AMD1: variants seen among roughly 807,000 people sequenced by gnomAD.
AMD1 encodes the protein S-adenosylmethionine decarboxylase proenzyme.
In AMD1, 11 loss-of-function variants were observed where a neutral mutation model predicts 40.2. The observed-to-expected ratio is 0.27, with a 90% CI of 0.17 to 0.45. The LOEUF is 0.45. AMD1 is among the 20% of genes least tolerant of loss of function. The probability of loss-of-function intolerance (pLI) is 1.00; values close to 1 mark genes in which losing one functional copy is unlikely to be tolerated. For missense variants in AMD1, 257 were observed against 410.2 expected (o/e 0.63, Z 3.23); for synonymous variants, 121 against 130.8 (o/e 0.93, Z 0.51).
At chr6:110,847,181 T>C in the AMD1 span, among the ~76,000 whole-genome samples, 2 of 152,016 alleles carry the variant, frequency 1.3e-5, no homozygotes, top group African/African-American at 4.8e-5. Flanking sequence ...GGCAGGCTCT[T>C]AGGCTGGAAA....
At position 110,887,486 on chromosome 6, in the gene AMD1, CT is replaced by C; in HGVS notation, c.111-13del. On this transcript the variant is annotated intron_variant, in intron 1 of 8. Coordinates refer to ENST00000368885, the MANE Select transcript of AMD1 (RefSeq NM_001634.6). ...GGGTACTATTGTGGATTAATCGTAA[CT>C]TTTTTGTTAAATGATAGATCTGAGT... 6.3e-7 allele frequency: 1 copy of C among 1,580,344 alleles called. No homozygotes were observed. Among genetic ancestry groups the C allele is most frequent in the Non-Finnish European group, 8.6e-7 (1 of 1,163,258 alleles).
intron 1 of AMD1, among the ~76,000 whole-genome samples, chr6:110,876,825 G>GA (rs1197988607): frequency 6.6e-6 from 1 of 152,176 alleles, no homozygotes; most frequent in Admixed American, 6.5e-5. Context: ...CAAGAACCTA[G>GA]AAAATCTTGG....
the AMD1 span, among the ~76,000 whole-genome samples, chr6:110,821,075 A>G: frequency 6.6e-6 from 1 of 152,118 alleles, no homozygotes; most frequent in Non-Finnish European, 1.5e-5. Flanking sequence ...TTCCAGGGAG[A>G]GAATTAAAAG....
At position 110,894,471 on chromosome 6, in the gene AMD1, T is replaced by C. The variant is rs1786199093; in HGVS notation, c.*855T>C. On this transcript the variant is annotated 3_prime_UTR_variant, in exon 9 of 9. Transcript: ENST00000368885. ...GTTGGTTAGCAGGGAAGACCCAGAG[T>C]TGTAGATTGAGATTAGGGTGTACTG... The C allele has an allele frequency of 6.6e-6, 1 of 152,174 alleles. No homozygotes were observed. Among genetic ancestry groups the C allele is most frequent in the Non-Finnish European group, 1.5e-5 (1 of 68,014 alleles). The allele number at this position is 152,174 out of a possible 1,614,324, so 9.4% of individuals were successfully genotyped here. A position where few individuals can be genotyped will look rare whatever the true frequency, so the allele number is the denominator to read the frequency against.
At chr6:110,848,652 G>T in the AMD1 span, 1 of 522,142 alleles carries the variant, frequency 1.9e-6, no homozygotes, top group Non-Finnish European at 3.2e-6. Flanking sequence ...TATGAGTTTT[G>T]ATACATATCA....
the AMD1 span, among the ~76,000 whole-genome samples, chr6:110,855,670 T>C: frequency 6.9e-3 from 1,046 of 152,230 alleles, 52 homozygotes; most frequent in East Asian, 0.14. Flanking sequence ...ATCCGTAGGA[T>C]CTGGAGGCTG....
the AMD1 span, among the ~76,000 whole-genome samples, chr6:110,868,046 AACTCCTGGCCT>A: frequency 4.8e-4 from 73 of 152,172 alleles, 1 homozygote; most frequent in East Asian, 0.012. Flanking sequence ...GCTGGTCTGG[AACTCCTGGCCT>A]CAAGTCACCC....
the AMD1 span, among the ~76,000 whole-genome samples, chr6:110,825,995 C>T: frequency 0.16 from 23,892 of 151,200 alleles, 2,085 homozygotes; most frequent in East Asian, 0.31. Flanking sequence ...AGTAAGACCC[C>T]GTCTCTACAA....
At chr6:110,847,042 A>AGTGT in the AMD1 span, among the ~76,000 whole-genome samples, 42 of 146,388 alleles carry the variant, frequency 2.9e-4, no homozygotes, top group East Asian at 2.5e-3. Flanking sequence ...GAACTAGGAG[A>AGTGT]GTGTGTGTGT....
At chr6:110,821,958 A>G in the AMD1 span, among the ~76,000 whole-genome samples, 1 of 152,240 alleles carries the variant, frequency 6.6e-6, no homozygotes, top group Non-Finnish European at 1.5e-5. Flanking sequence ...AAGAGCAGAA[A>G]TAACAAAGAT....
intron 8 of AMD1, 110 bp downstream of exon 8, chr6:110,893,175 C>T (rs1419247904): frequency 9.8e-7 from 1 of 1,018,450 alleles, no homozygotes; most frequent in Non-Finnish European, 1.4e-6. Context: ...ACCAGCCACT[C>T]AGATATCCAG....
the AMD1 span, among the ~76,000 whole-genome samples, chr6:110,842,907 G>A: frequency 6.6e-6 from 1 of 152,022 alleles, no homozygotes; most frequent in Non-Finnish European, 1.5e-5. Flanking sequence ...GGCCGAGGGG[G>A]ATGGATCACA....
chr6:110,828,276 C>A, the AMD1 span, among the ~76,000 whole-genome samples: 1 of 151,968 alleles, frequency 6.6e-6, no homozygotes, highest in Non-Finnish European at 1.5e-5. Flanking sequence ...GCTAAAAATA[C>A]AAAAATTAGC....
the AMD1 span, among the ~76,000 whole-genome samples, chr6:110,827,261 A>T: frequency 6.6e-6 from 1 of 151,362 alleles, no homozygotes. Context: ...ATATCCATGG[A>T]CAGGACTTTC....
At chr6:110,876,036 G>A (rs540472498) in intron 1 of AMD1, among the ~76,000 whole-genome samples, 1 of 152,330 alleles carries the variant, frequency 6.6e-6, no homozygotes, top group East Asian at 1.9e-4. Context: ...CGGGTGGAGG[G>A]AGGCCCGCCT....
the AMD1 span, among the ~76,000 whole-genome samples, chr6:110,855,410 G>T: frequency 6.6e-6 from 1 of 152,058 alleles, no homozygotes; most frequent in African/African-American, 2.4e-5. Flanking sequence ...AACAAAATTT[G>T]CTTACAAATT....
intron 1 of AMD1, among the ~76,000 whole-genome samples, chr6:110,875,925 CCTCGACACGGCCGCTGAGGCCGCT>C (rs1423172621): frequency 6.6e-6 from 1 of 152,206 alleles, no homozygotes; most frequent in African/African-American, 2.4e-5. Context: ...CCGGGGCCGC[CCTCGACACGGCCGCTGAGGCCGCT>C]GGGGGCTGCT....
the AMD1 span, among the ~76,000 whole-genome samples, chr6:110,855,934 G>A: frequency 6.6e-6 from 1 of 152,034 alleles, no homozygotes; most frequent in African/African-American, 2.4e-5. Flanking sequence ...TTAAAAATTA[G>A]TCAAGCATCG....
chr6:110,892,623 A>G lies in AMD1; in HGVS notation c.616-112A>G, dbSNP rs1786085611. ...CACCCAGGTGTTAAGCCTAGTACCC[A>G]TTAGTTATTTTTCCTGGTCCTCTCC... is the stretch of plus-strand genomic sequence containing the variant. On this transcript the variant is annotated intron_variant, in intron 6 of 8. Coordinates refer to ENST00000368885, the MANE Select transcript of AMD1 (RefSeq NM_001634.6). 1.0e-5 allele frequency: 14 copies of G among 1,405,404 alleles called. No individual in the cohort carries two copies. In the South Asian group the frequency reaches 1.4e-4, roughly 14 times the overall value. 87.1% of individuals were successfully genotyped at this position (1,405,404 alleles called of 1,614,324 possible).
Sources: allele counts gnomAD v4.1 joint callset (sites outside exome capture counted in the v4.1 genomes callset), GRCh38; gene constraint gnomAD v4.1.1; transcripts MANE v1.5; gene names NCBI Gene and HGNC (gene_info 2026-07-23, HGNC 2026-07-21).